CPA6: variants seen among roughly 807,000 people sequenced by gnomAD.
CPA6 encodes the protein carboxypeptidase A6, also known as carboxypeptidase B.
Under a neutral mutation model 63.3 loss-of-function variants are expected in CPA6, and 58 were observed. The ratio of observed to expected loss-of-function variants is 0.92; its 90% confidence interval spans 0.74 to 1.14. CPA6 has a LOEUF of 1.14. Ranked by LOEUF, CPA6 falls within the 50% of genes most tolerant of loss-of-function variation. The pLI, the probability that CPA6 is intolerant of heterozygous loss-of-function variation, is 0.00. For synonymous variants in CPA6, 185 were observed against 179.0 expected (o/e 1.03, Z -0.27); for missense variants, 565 against 526.6 (o/e 1.07, Z -0.71).
At chr8:67,601,380 A>C (rs577580106) in intron 2 of CPA6, among the ~76,000 whole-genome samples, 3 of 152,306 alleles carry the variant, frequency 2.0e-5, no homozygotes, top group South Asian at 4.1e-4. Context: ...CAGTCTAAGA[A>C]GCTCCAGTAT....
chr8:67,629,510 T>G (rs1815271650), intron 1 of CPA6, among the ~76,000 whole-genome samples: 1 of 148,960 alleles, frequency 6.7e-6, no homozygotes, highest in Admixed American at 6.7e-5. Context: ...AGACCCAAAG[T>G]ACTTCTAATA....
At chr8:67,475,188 G>T (rs1283890958) in intron 8 of CPA6, among the ~76,000 whole-genome samples, 1 of 152,202 alleles carries the variant, frequency 6.6e-6, no homozygotes, top group Non-Finnish European at 1.5e-5. Flanking sequence ...GTTACTTGTA[G>T]GAGGCAGCAA....
intron 6 of CPA6, among the ~76,000 whole-genome samples, chr8:67,486,120 A>G (rs1811471702): frequency 6.6e-6 from 1 of 152,212 alleles, no homozygotes; most frequent in Non-Finnish European, 1.5e-5. Context: ...CTGTATTGTC[A>G]TAATCATTTG....
At position 67,536,378 on chromosome 8, in the gene CPA6, T is replaced by C. The variant is rs142308641; in HGVS notation, c.193-18331A>G. On this transcript the variant is annotated intron_variant, in intron 2 of 10. Coordinates refer to ENST00000297770, the MANE Select transcript of CPA6 (RefSeq NM_020361.5). Reference sequence around the variant, plus strand: ...GTGTCCTTTCTTATTTCCTTGAGCATTGGTTTGCAGTTCTCCTTGAAGAGG... The same window carrying C: ...GTGTCCTTTCTTATTTCCTTGAGCACTGGTTTGCAGTTCTCCTTGAAGAGG... Among the ~76,000 whole-genome samples the C allele has an allele frequency of 2.1e-3, 321 of 152,248 alleles. 5 individuals are homozygous for C. The East Asian group carries it at 0.044, about 21-fold the overall frequency.
chr8:67,649,680 C>T (rs543364853), intron 1 of CPA6, among the ~76,000 whole-genome samples: 35 of 152,222 alleles, frequency 2.3e-4, no homozygotes, highest in Admixed American at 1.6e-3. Context: ...GTCAGTAGTT[C>T]GTACCAAATT....
At chr8:67,733,700 T>C (rs978083540) in intron 1 of CPA6, among the ~76,000 whole-genome samples, 20 of 151,144 alleles carry the variant, frequency 1.3e-4, no homozygotes, top group African/African-American at 4.9e-4. Flanking sequence ...GGGCACATAG[T>C]AGGCACTCAA....
chr8:67,713,546 C>G (rs1817317444), intron 1 of CPA6, among the ~76,000 whole-genome samples: 1 of 152,126 alleles, frequency 6.6e-6, no homozygotes, highest in South Asian at 2.1e-4. Context: ...GAAACCTCTC[C>G]CTGCTCTAGC....
At chr8:67,738,251 T>C (rs1817851471) in intron 1 of CPA6, among the ~76,000 whole-genome samples, 1 of 152,232 alleles carries the variant, frequency 6.6e-6, no homozygotes, top group South Asian at 2.1e-4. Context: ...CAGCTAGGAC[T>C]GTCTAGCTGA....
chr8:67,662,974 A>G (rs931455819), intron 1 of CPA6, among the ~76,000 whole-genome samples: 12 of 152,276 alleles, frequency 7.9e-5, no homozygotes, highest in African/African-American at 2.9e-4. Flanking sequence ...CCAAAGTCAA[A>G]GTCTGTTCTC....
At chr8:67,515,354 T>A (rs1221925668) in intron 3 of CPA6, among the ~76,000 whole-genome samples, 3 of 152,134 alleles carry the variant, frequency 2.0e-5, no homozygotes, top group South Asian at 4.2e-4. Flanking sequence ...CCCACTGGAG[T>A]CTCCCTTCCT....
chr8:67,485,818 C>T (rs1165759474), intron 6 of CPA6, among the ~76,000 whole-genome samples: 1 of 152,152 alleles, frequency 6.6e-6, no homozygotes, highest in Admixed American at 6.5e-5. Context: ...AGTGAGTGCA[C>T]AGGTTACCTA....
intron 6 of CPA6, among the ~76,000 whole-genome samples, chr8:67,487,924 G>T (rs184855019): frequency 1.3e-5 from 2 of 152,264 alleles, no homozygotes; most frequent in Non-Finnish European, 1.5e-5. Flanking sequence ...TTGTAAATCT[G>T]TTTAAGTTCT....
intron 2 of CPA6, among the ~76,000 whole-genome samples, chr8:67,587,931 C>T (rs1157883736): frequency 6.6e-6 from 1 of 152,096 alleles, no homozygotes; most frequent in Admixed American, 6.6e-5. Context: ...GGCTGTTAAT[C>T]GCATAGCTAG....
Position 67,681,980 on chromosome 8 carries a change from A to G in CPA6, c.117-57729T>C, listed in dbSNP as rs554896363. The stretch of plus-strand genomic sequence containing the variant: ...TTTTAACTGGAATTGCACTGAATCT[A>G]TAGATCAATAATTCAGGGGGAAAAA... On this transcript the variant is annotated intron_variant, in intron 1 of 10. Transcript: ENST00000297770. Among the ~76,000 whole-genome samples the G allele has an allele frequency of 3.8e-4, 58 of 152,254 alleles. No individual in the cohort carries two copies. The South Asian group carries it at 0.012, about 31-fold the overall frequency.
intron 2 of CPA6, among the ~76,000 whole-genome samples, chr8:67,619,329 C>T (rs536691732): frequency 8.5e-5 from 13 of 152,186 alleles, no homozygotes; most frequent in Non-Finnish European, 1.9e-4. Context: ...TTACCACAAA[C>T]TTAGCAGCTT....
intron 8 of CPA6, among the ~76,000 whole-genome samples, chr8:67,475,837 TTC>T (rs1347732942): frequency 1.2e-5 from 1 of 85,376 alleles, no homozygotes; most frequent in African/African-American, 5.8e-5. Context: ...CTTTCTTTCT[TTC>T]TTTCTTTCTT....
chr8:67,458,017 T>C (rs1259307874), intron 8 of CPA6, among the ~76,000 whole-genome samples: 7 of 152,194 alleles, frequency 4.6e-5, no homozygotes, highest in Non-Finnish European at 8.8e-5. Flanking sequence ...TAGTCTTTTT[T>C]ACAAATGGTG....
intron 9 of CPA6, among the ~76,000 whole-genome samples, chr8:67,430,197 T>A (rs74537068): frequency 7.1e-6 from 1 of 140,326 alleles, no homozygotes; most frequent in Admixed American, 7.0e-5. Context: ...TTTTTTTTTT[T>A]AGACAGAGTT....
At chr8:67,497,408 C>G (rs150033147) in intron 6 of CPA6, among the ~76,000 whole-genome samples, 9 of 152,124 alleles carry the variant, frequency 5.9e-5, no homozygotes, top group African/African-American at 2.2e-4. Flanking sequence ...CTTCAAGGTC[C>G]ATCACTGCTG....
Sources: allele counts gnomAD v4.1 joint callset (sites outside exome capture counted in the v4.1 genomes callset), GRCh38; gene constraint gnomAD v4.1.1; transcripts MANE v1.5; gene names NCBI Gene and HGNC (gene_info 2026-07-23, HGNC 2026-07-21).